The following EXOC6B variants were observed in gnomAD, a reference collection of about 807,000 sequenced individuals.
The protein encoded by EXOC6B is SEC15 homolog B.
EXOC6B carries 54 observed loss-of-function variants against 113.5 expected under a neutral mutation model. The ratio of observed to expected loss-of-function variants is 0.48; its 90% CI spans 0.38 to 0.60. The LOEUF (loss-of-function observed/expected upper bound fraction) is 0.60. Ranked by LOEUF, EXOC6B falls within the 20% of genes least tolerant of loss-of-function variation. The pLI is 0.00. For synonymous variants in EXOC6B, 357 were observed against 339.0 expected (o/e 1.05, Z -0.58); for missense variants, 797 against 977.5 (o/e 0.82, Z 2.46).
chr2:72,694,640 T>A (rs934459304), intron 6 of EXOC6B, among the ~76,000 whole-genome samples: 18 of 152,164 alleles, frequency 1.2e-4, no homozygotes, highest in Non-Finnish European at 2.5e-4. Context: ...GTTATTGTTG[T>A]TTGAAGGGGA....
Position 72,235,909 on chromosome 2 carries a change from G to GC in EXOC6B, c.2197-51723dup, listed in dbSNP as rs367782678. Among the ~76,000 whole-genome samples, 20 of 151,704 alleles carry GC rather than the reference G, an allele frequency of 1.3e-4. 1 individual carries two copies. The highest frequency in any genetic ancestry group is 4.6e-4 in the African/African-American group (19 of 41,372). On this transcript the variant is annotated intron_variant, in intron 20 of 21. Transcript: ENST00000272427. Reference sequence around the variant, plus strand: ...GCTTATCTTTTTATAGGTATATTTTGCCCCCCCTTCAAGGGCACTATAAAC... The same window carrying GC: ...GCTTATCTTTTTATAGGTATATTTTGCCCCCCCCTTCAAGGGCACTATAAAC...
chr2:72,379,862 C>T lies in EXOC6B; in HGVS notation c.1989G>A (p.Val663=). The T allele has an allele frequency of 6.2e-7, 1 of 1,606,808 alleles. No homozygotes were observed. The highest frequency in any genetic ancestry group is 8.5e-7 in the Non-Finnish European group (1 of 1,176,152). The change falls in exon 19 of 22, where the codon GTG becomes GTA. Residue 663 remains valine, a synonymous_variant. Coordinates refer to ENST00000272427, the MANE Select transcript of EXOC6B (RefSeq NM_015189.3). The part of the protein sequence containing the change: ...FAVFTHLPGK[V]AQTACMSACK... ...AAGCTGACATACACGCTGTCTGGGCCACCTTTCCCTGAAACACAAGAGTGT... is the reference window on the plus strand; with the variant it reads ...AAGCTGACATACACGCTGTCTGGGCTACCTTTCCCTGAAACACAAGAGTGT...
At chr2:72,721,184 T>A (rs1157495818) in intron 5 of EXOC6B, among the ~76,000 whole-genome samples, 1 of 151,074 alleles carries the variant, frequency 6.6e-6, no homozygotes, top group Non-Finnish European at 1.5e-5. Context: ...CAAAAATTAG[T>A]CGGGCATGTT....
chr2:72,207,683 T>C (rs951067477), intron 20 of EXOC6B, among the ~76,000 whole-genome samples: 28 of 152,302 alleles, frequency 1.8e-4, no homozygotes, highest in Admixed American at 1.6e-3. Flanking sequence ...TTAGCAGGTA[T>C]CACAGTGTTT....
At chr2:72,750,120 T>G (rs1681948156) in intron 1 of EXOC6B, among the ~76,000 whole-genome samples, 1 of 151,626 alleles carries the variant, frequency 6.6e-6, no homozygotes, top group Non-Finnish European at 1.5e-5. Context: ...GAACCAGACC[T>G]AACAACACCA....
chr2:72,429,240 A>G (rs1458857352), intron 18 of EXOC6B, among the ~76,000 whole-genome samples: 1 of 152,238 alleles, frequency 6.6e-6, no homozygotes, highest in Non-Finnish European at 1.5e-5. Context: ...CAATGGACTA[A>G]CCTCACCATT....
chr2:72,616,438 C>T (rs1425042340), intron 6 of EXOC6B, among the ~76,000 whole-genome samples: 2 of 152,166 alleles, frequency 1.3e-5, no homozygotes, highest in Non-Finnish European at 2.9e-5. Flanking sequence ...AATACACAGA[C>T]TACTGGAACA....
At chr2:72,694,373 C>T (rs138962053) in intron 6 of EXOC6B, among the ~76,000 whole-genome samples, 1 of 152,084 alleles carries the variant, frequency 6.6e-6, no homozygotes, top group Admixed American at 6.5e-5. Context: ...CCCTGGGAGG[C>T]GGAGGTTGCA....
chr2:72,586,562 T>C (rs1269177625), intron 6 of EXOC6B, among the ~76,000 whole-genome samples: 1 of 151,746 alleles, frequency 6.6e-6, no homozygotes, highest in African/African-American at 2.4e-5. Flanking sequence ...ACCATCCTGG[T>C]CAACATGGTG....
chr2:72,304,836 C>T (rs1485852377), intron 20 of EXOC6B, among the ~76,000 whole-genome samples: 1 of 152,162 alleles, frequency 6.6e-6, no homozygotes, highest in Admixed American at 6.5e-5. Flanking sequence ...GGCCCCTAGA[C>T]AATAAGCAGC....
intron 5 of EXOC6B, among the ~76,000 whole-genome samples, chr2:72,723,806 C>T (rs550337382): frequency 2.7e-5 from 4 of 150,668 alleles, no homozygotes; most frequent in African/African-American, 9.7e-5. Context: ...TGATCTCTCA[C>T]TTTATAAACA....
intron 18 of EXOC6B, among the ~76,000 whole-genome samples, chr2:72,385,225 AT>A: frequency 6.6e-6 from 1 of 152,152 alleles, no homozygotes; most frequent in East Asian, 1.9e-4. Context: ...TGGTCAACAA[AT>A]TTTTGATAAA....
chr2:72,200,351 C>G (rs41391), intron 20 of EXOC6B, among the ~76,000 whole-genome samples: 1 of 152,002 alleles, frequency 6.6e-6, no homozygotes, highest in African/African-American at 2.4e-5. Flanking sequence ...GATTCTAAAT[C>G]TAATGAATTT....
intron 21 of EXOC6B, among the ~76,000 whole-genome samples, chr2:72,181,815 T>G (rs1288241765): frequency 6.6e-6 from 1 of 152,152 alleles, no homozygotes; most frequent in Admixed American, 6.5e-5. Context: ...AGTGGTGGCC[T>G]GCTGGTTTCT....
intron 1 of EXOC6B, among the ~76,000 whole-genome samples, chr2:72,763,639 G>A (rs541389598): frequency 4.6e-5 from 7 of 152,052 alleles, no homozygotes; most frequent in Admixed American, 1.3e-4. Flanking sequence ...GGCCAGGCTG[G>A]TCTTGAACTC....
intron 21 of EXOC6B, among the ~76,000 whole-genome samples, chr2:72,183,192 G>A (rs1422102672): frequency 2.0e-5 from 3 of 152,162 alleles, no homozygotes; most frequent in Non-Finnish European, 2.9e-5. Flanking sequence ...AGACATGGTT[G>A]ACTGGCCATA....
intron 6 of EXOC6B, among the ~76,000 whole-genome samples, chr2:72,713,696 G>C (rs554460296): frequency 6.8e-6 from 1 of 147,468 alleles, no homozygotes; most frequent in South Asian, 2.1e-4. Flanking sequence ...TAATAACAAA[G>C]TTCTAAATAG....
chr2:72,401,659 A>ATATATATGTATATATATATG (rs1693328897), intron 18 of EXOC6B, among the ~76,000 whole-genome samples: 1 of 76,804 alleles, frequency 1.3e-5, no homozygotes, highest in Non-Finnish European at 2.2e-5. Flanking sequence ...ATATATATAT[A>ATATATATGTATATATATATG]TATATATGTA....
intron 6 of EXOC6B, among the ~76,000 whole-genome samples, chr2:72,647,018 T>C (rs985417343): frequency 6.6e-6 from 1 of 152,188 alleles, no homozygotes; most frequent in Non-Finnish European, 1.5e-5. Flanking sequence ...GTTGTCTCTG[T>C]TTGCAGATGA....
Sources: gnomAD v4.1 joint callset for allele counts (sites outside exome capture counted in the v4.1 genomes callset) on GRCh38, gnomAD v4.1.1 for gene constraint, MANE v1.5 for transcripts, NCBI Gene and HGNC (gene_info 2026-07-23, HGNC 2026-07-21) for gene names.